GALNT13: variants seen among roughly 807,000 people sequenced by gnomAD.
The protein encoded by GALNT13 is polypeptide N-acetylgalactosaminyltransferase 13.
In GALNT13, 28 loss-of-function variants were observed where a neutral mutation model predicts 64.2. That is an observed-to-expected ratio of 0.44 (90% confidence interval 0.32 to 0.60). The LOEUF (loss-of-function observed/expected upper bound fraction) is 0.60. Ranked by LOEUF, GALNT13 falls within the 20% of genes least tolerant of loss-of-function variation. GALNT13 has a pLI of 0.05. For missense variants in GALNT13, 577 were observed against 669.8 expected (o/e 0.86, Z 1.53); for synonymous variants, 214 against 224.6 (o/e 0.95, Z 0.42).
chr2:153,729,561 T>G, the GALNT13 span, among the ~76,000 whole-genome samples: 1 of 152,070 alleles, frequency 6.6e-6, no homozygotes, highest in East Asian at 1.9e-4. Flanking sequence ...GGAGTCAATT[T>G]TGATGTAAGG....
chr2:154,283,972 C>A (rs1387084479), intron 8 of GALNT13, among the ~76,000 whole-genome samples: 2 of 152,038 alleles, frequency 1.3e-5, no homozygotes, highest in Non-Finnish European at 2.9e-5. Context: ...TACGTATATT[C>A]TTTTATTTTT....
chr2:153,441,250 A>G, the GALNT13 span, among the ~76,000 whole-genome samples: 1 of 152,146 alleles, frequency 6.6e-6, no homozygotes, highest in African/African-American at 2.4e-5. Flanking sequence ...CAAAAAACAG[A>G]TGGTTGTATA....
intron 12 of GALNT13, chr2:154,446,522 T>G: frequency 6.7e-7 from 1 of 1,502,326 alleles, no homozygotes; most frequent in Non-Finnish European, 8.9e-7. Flanking sequence ...TATTACTGTC[T>G]TTGTACTTGA....
the GALNT13 span, among the ~76,000 whole-genome samples, chr2:153,378,021 A>G: frequency 6.6e-6 from 1 of 152,226 alleles, no homozygotes; most frequent in East Asian, 1.9e-4. Flanking sequence ...TATCTTTGCC[A>G]TTTTCTTTGC....
the GALNT13 span, among the ~76,000 whole-genome samples, chr2:153,549,085 T>C: frequency 1.9e-4 from 29 of 152,130 alleles, no homozygotes; most frequent in African/African-American, 6.8e-4. Flanking sequence ...CAAAATAGAT[T>C]AGCGGTTGCC....
At chr2:154,343,786 G>A (rs189759557) in intron 9 of GALNT13, among the ~76,000 whole-genome samples, 1 of 152,094 alleles carries the variant, frequency 6.6e-6, no homozygotes, top group Non-Finnish European at 1.5e-5. Context: ...CAGGGATTTT[G>A]GTTGAATGAA....
chr2:154,141,135 A>G (rs1052298587), intron 4 of GALNT13, among the ~76,000 whole-genome samples: 2 of 152,288 alleles, frequency 1.3e-5, no homozygotes, highest in East Asian at 1.9e-4. Flanking sequence ...GTCATGTAAC[A>G]TGAATGGAGC....
At chr2:154,400,601 A>T (rs1477572851) in intron 10 of GALNT13, among the ~76,000 whole-genome samples, 2 of 152,180 alleles carry the variant, frequency 1.3e-5, no homozygotes, top group Non-Finnish European at 2.9e-5. Flanking sequence ...TTATGTTTGC[A>T]TCTTACTCAA....
the GALNT13 span, among the ~76,000 whole-genome samples, chr2:153,259,814 A>T: frequency 6.6e-6 from 1 of 152,200 alleles, no homozygotes; most frequent in Non-Finnish European, 1.5e-5. Context: ...TATGAAAATT[A>T]TCTAACATAC....
At chr2:153,926,769 A>C (rs925417581) in intron 2 of GALNT13, among the ~76,000 whole-genome samples, 1 of 152,138 alleles carries the variant, frequency 6.6e-6, no homozygotes, top group African/African-American at 2.4e-5. Context: ...ATCGGCACAA[A>C]TATCAGATGA....
At chr2:153,899,935 A>ATATT (rs1292303932) in intron 1 of GALNT13, among the ~76,000 whole-genome samples, 3 of 98,170 alleles carry the variant, frequency 3.1e-5, no homozygotes, top group African/African-American at 4.0e-5. Context: ...ATATATATAT[A>ATATT]TTTTTTTTTT....
At chr2:153,805,187 G>A in the GALNT13 span, among the ~76,000 whole-genome samples, 1 of 151,742 alleles carries the variant, frequency 6.6e-6, no homozygotes, top group African/African-American at 2.4e-5. Context: ...GGTAGTCAAA[G>A]AAAGCTCAAC....
chr2:153,166,713 G>A, the GALNT13 span, among the ~76,000 whole-genome samples: 1 of 149,642 alleles, frequency 6.7e-6, no homozygotes, highest in African/African-American at 2.5e-5. Flanking sequence ...TACTCTCTGG[G>A]ATGTTTGGGT....
chr2:153,418,829 G>T, the GALNT13 span, among the ~76,000 whole-genome samples: 1 of 152,126 alleles, frequency 6.6e-6, no homozygotes, highest in East Asian at 1.9e-4. Context: ...CTGCACTTCA[G>T]CCTGGGCGAT....
intron 11 of GALNT13, among the ~76,000 whole-genome samples, chr2:154,414,262 G>T (rs114026083): frequency 6.6e-6 from 1 of 152,090 alleles, no homozygotes; most frequent in African/African-American, 2.4e-5. Context: ...AAAGGACTCT[G>T]ATAAACATTT....
At chr2:154,450,305 A>T in intron 12 of GALNT13, 106 bp from the exon 13 acceptor site, 1 of 957,482 alleles carries the variant, frequency 1.0e-6, no homozygotes, top group Non-Finnish European at 1.6e-6. Context: ...ACAGTGTATT[A>T]TACTATAAAA....
chr2:154,430,436 C>G (rs926929190), intron 11 of GALNT13, among the ~76,000 whole-genome samples: 1 of 152,088 alleles, frequency 6.6e-6, no homozygotes, highest in Non-Finnish European at 1.5e-5. Flanking sequence ...GAGTGGAGCC[C>G]GAAGACGTCA....
chr2:153,544,915 A>T, the GALNT13 span, among the ~76,000 whole-genome samples: 1 of 152,208 alleles, frequency 6.6e-6, no homozygotes, highest in East Asian at 1.9e-4. Flanking sequence ...GAATGCAAAC[A>T]TTGAGGGATA....
intron 3 of GALNT13, among the ~76,000 whole-genome samples, chr2:153,981,944 A>C (rs1472240702): frequency 6.6e-6 from 1 of 152,002 alleles, no homozygotes; most frequent in Non-Finnish European, 1.5e-5. Flanking sequence ...GTCTATTACT[A>C]TAATGTCAGT....
Sources: gnomAD v4.1 joint callset for allele counts (sites outside exome capture counted in the v4.1 genomes callset) on GRCh38, gnomAD v4.1.1 for gene constraint, MANE v1.5 for transcripts, NCBI Gene and HGNC (gene_info 2026-07-23, HGNC 2026-07-21) for gene names.